Variants in SLC1A7 observed in about 807,000 individuals in gnomAD.
SLC1A7 encodes solute carrier family 1 member 7.
A neutral mutation model predicts 47.7 loss-of-function variants in SLC1A7; 40 were observed. The observed-to-expected ratio is 0.84, with a 90% CI of 0.65 to 1.09. The LOEUF is 1.09. Ranked by LOEUF, SLC1A7 falls within the 50% of genes least tolerant of loss-of-function variation. The pLI is 0.00. For missense variants in SLC1A7, 746 were observed against 769.5 expected, an observed-to-expected ratio of 0.97 and a Z score of 0.36; for synonymous variants, 323 against 325.6, an observed-to-expected ratio of 0.99 and a Z score of 0.09.
At chr1:53,090,554 GAA>G in intron 8 of SLC1A7, 56 bp downstream of exon 8, 1 of 1,478,714 alleles carries the variant, frequency 6.8e-7, no homozygotes, top group Non-Finnish European at 9.0e-7. Context: ...GGGAGCCTGG[GAA>G]TCCCCAAGGC....
In SLC1A7 at chr1:53,135,106, G is replaced by A. The variant is rs75353649; in HGVS notation, c.136-677C>T. On this transcript the variant is annotated intron_variant, in intron 1 of 10. Transcript: ENST00000371494. The stretch of plus-strand genomic sequence containing the variant: ...GCACAGCGCCTGGATGACAGCCAAT[G>A]TTTGGTAATCCTGAAAATAACAGCT... Among the ~76,000 whole-genome samples, 465 of 152,304 alleles carry A rather than the reference G, an allele frequency of 3.1e-3. 6 individuals are homozygous for A. Among genetic ancestry groups the A allele is most frequent in the Middle Eastern group, 0.02 (6 of 294 alleles).
At chr1:53,138,478 T>A (rs905483766) in intron 1 of SLC1A7, among the ~76,000 whole-genome samples, 1 of 152,016 alleles carries the variant, frequency 6.6e-6, no homozygotes, top group African/African-American at 2.4e-5. Flanking sequence ...TTTCATTTAT[T>A]TTTGTTCTAG....
intron 2 of SLC1A7, among the ~76,000 whole-genome samples, chr1:53,117,377 G>A (rs1055151630): frequency 2.0e-5 from 3 of 152,172 alleles, no homozygotes; most frequent in Non-Finnish European, 2.9e-5. Context: ...CTAGAAGGGA[G>A]AACGAAAAAT....
At position 53,088,138 on chromosome 1, in the gene SLC1A7, G is replaced by A; in HGVS notation, c.1554C>T (p.Ala518=). The change falls in exon 11 of 11, where the codon GCC becomes GCT. Residue 518 remains alanine (A), a synonymous_variant. Coordinates refer to ENST00000371494, the MANE Select transcript of SLC1A7 (RefSeq NM_006671.6). ...QNGCVKSVAE[A]SELTLGPTCP... is the part of the protein sequence containing the mutation. Reference sequence around the variant, plus strand: ...AGGTGGGGCCCAGGGTGAGCTCGGAGGCCTCGGCTACACTCTTCACACAGC... The same window carrying A: ...AGGTGGGGCCCAGGGTGAGCTCGGAAGCCTCGGCTACACTCTTCACACAGC... 6.2e-7 allele frequency: 1 copy of A among 1,613,340 alleles called. No individual in the cohort carries two copies. Among genetic ancestry groups the A allele is most frequent in the Non-Finnish European group, 8.5e-7 (1 of 1,179,622 alleles).
rs139757854 is a variant in SLC1A7, at chr1:53,114,929, C to A, written c.260G>T (p.Arg87Leu). 13 of 1,614,088 alleles carry A rather than the reference C, an allele frequency of 8.1e-6. No homozygotes were observed. In the South Asian group the frequency reaches 1.3e-4, roughly 16 times the overall value. Residue 87 changes from arginine to leucine, a missense_variant, in exon 3 of 11, where the codon CGC becomes CTC. By Grantham distance (102) the Arg-to-Leu change is moderately radical (BLOSUM62 -2). Coordinates refer to ENST00000371494, the MANE Select transcript of SLC1A7 (RefSeq NM_006671.6). ...GTACGCCACGGTGAGGACGCCCAGG[C>A]GGCTAGAGGTCTTGGCATCCAGGGA... ...LASLDAKTSS[R>L]LGVLTVAYYL...
At chr1:53,141,813 C>T (rs757460875) in intron 1 of SLC1A7, among the ~76,000 whole-genome samples, 1 of 152,200 alleles carries the variant, frequency 6.6e-6, no homozygotes, top group Non-Finnish European at 1.5e-5. Flanking sequence ...GCCTGTCGCT[C>T]TTCTGCCCAA....
At position 53,087,919 on chromosome 1, in the gene SLC1A7, C is replaced by G; in HGVS notation, c.*90G>C. ...TGAGAAGAATGTGTGATCCTGGCCC[C>G]TGCCGGCTGCTCAGGAGGGTTGGAG... On this transcript the variant is annotated 3_prime_UTR_variant, in exon 11 of 11. Transcript: ENST00000371494. The G allele has an allele frequency of 1.5e-6, 1 of 682,064 alleles. No individual in the cohort carries two copies. The highest frequency in any genetic ancestry group is 2.3e-6 in the Non-Finnish European group (1 of 436,046). 42.3% of individuals were successfully genotyped at this position (682,064 alleles called of 1,614,324 possible).
At chr1:53,131,718 G>A (rs6688627) in intron 2 of SLC1A7, among the ~76,000 whole-genome samples, 61,027 of 152,198 alleles carry the variant, frequency 0.4, 12,774 homozygotes, top group African/African-American at 0.52. Context: ...CACCTACTAT[G>A]TGCCTGGCAC....
chr1:53,089,026 C>A (rs1243843811), intron 9 of SLC1A7, 47 bp from the exon 10 acceptor site: 3 of 1,462,104 alleles, frequency 2.1e-6, no homozygotes, highest in African/African-American at 1.4e-5. Flanking sequence ...TGAAGGGGAG[C>A]TGGAAGAGGG....
At chr1:53,114,282 T>TGCCATTGCTAGGGGGTGGCACC (rs1644731177) in intron 3 of SLC1A7, among the ~76,000 whole-genome samples, 1 of 152,278 alleles carries the variant, frequency 6.6e-6, no homozygotes, top group South Asian at 2.1e-4. Context: ...GATGTGGCAC[T>TGCCATTGCTAGGGGGTGGCACC]GCCATTGCTA....
chr1:53,127,090 T>C (rs1445095404), intron 2 of SLC1A7, among the ~76,000 whole-genome samples: 1 of 114,714 alleles, frequency 8.7e-6, no homozygotes, highest in Non-Finnish European at 1.7e-5. Flanking sequence ...TTGCCAGGGC[T>C]TTATCTAATT....
At chr1:53,109,605 C>T (rs1480324471) in intron 3 of SLC1A7, among the ~76,000 whole-genome samples, 1 of 152,146 alleles carries the variant, frequency 6.6e-6, no homozygotes, top group African/African-American at 2.4e-5. Context: ...TTCCATTTGT[C>T]CCACTTGCCC....
rs771641260 is a variant in SLC1A7, at chr1:53,133,189, C to T, written c.215+1161G>A. Reference sequence around the variant, plus strand: ...GGCCGTGTGGAAGAACTGGACGTGTCGTACAGATTCAGCAACACAGAGGAC... The same window carrying T: ...GGCCGTGTGGAAGAACTGGACGTGTTGTACAGATTCAGCAACACAGAGGAC... On this transcript the variant is annotated intron_variant, in intron 2 of 10. Coordinates refer to ENST00000371494, the MANE Select transcript of SLC1A7 (RefSeq NM_006671.6). Among the ~76,000 whole-genome samples the T allele has an allele frequency of 4.6e-5, 7 of 152,262 alleles. No individual in the cohort carries two copies. In the South Asian group the frequency reaches 1.0e-3, roughly 23 times the overall value.
chr1:53,136,742 C>A (rs1645004500), intron 1 of SLC1A7, among the ~76,000 whole-genome samples: 1 of 147,738 alleles, frequency 6.8e-6, no homozygotes, highest in South Asian at 2.1e-4. Flanking sequence ...TTTCAGCTCA[C>A]TGCAACCTCC....
chr1:53,099,575 C>T (rs1402547633), intron 5 of SLC1A7, among the ~76,000 whole-genome samples: 1 of 151,522 alleles, frequency 6.6e-6, no homozygotes, highest in Non-Finnish European at 1.5e-5. Flanking sequence ...TACACTGACA[C>T]ATACCACCTC....
chr1:53,093,888 C>T (rs183510780), intron 5 of SLC1A7, among the ~76,000 whole-genome samples: 291 of 152,270 alleles, frequency 1.9e-3, no homozygotes, highest in African/African-American at 6.5e-3. Context: ...CAGCCCCACT[C>T]GAGTGGGCCC....
At chr1:53,113,150 C>T (rs1259527474) in intron 3 of SLC1A7, among the ~76,000 whole-genome samples, 2 of 152,184 alleles carry the variant, frequency 1.3e-5, no homozygotes, top group Non-Finnish European at 2.9e-5. Context: ...CTTCTTAGAT[C>T]TGAAATTGAC....
chr1:53,142,201 G>T, intron 1 of SLC1A7, 114 bp downstream of exon 1: 5 of 1,195,908 alleles, frequency 4.2e-6, no homozygotes, highest in South Asian at 3.1e-5. Context: ...GAGGCAGAGG[G>T]ATTCACACAC....
rs367774000 is a variant in SLC1A7 at position 53,142,436 on chromosome 1, G to A, written c.14C>T (p.Ala5Val). The change falls in exon 1 of 11, where the codon GCC becomes GTC. Residue 5 changes from alanine to valine, a missense_variant. Coordinates refer to ENST00000371494, the MANE Select transcript of SLC1A7 (RefSeq NM_006671.6). ...CACGTCCCTCCCCCGTGCCAAGATG[G>A]CATGCGGCACCATGGTGAGCCTGGC... MVPH[A>V]ILARGRDVCR... is the part of the protein sequence containing the mutation. The A allele has an allele frequency of 6.2e-7, 1 of 1,613,304 alleles. No homozygotes were observed. The highest frequency in any genetic ancestry group is 1.1e-5 in the South Asian group (1 of 90,848).
Sources: gnomAD v4.1 joint callset for allele counts (sites outside exome capture counted in the v4.1 genomes callset) on GRCh38, gnomAD v4.1.1 for gene constraint, MANE v1.5 for transcripts, NCBI Gene and HGNC (gene_info 2026-07-23, HGNC 2026-07-21) for gene names.